LPP: variants seen among roughly 807,000 people sequenced by gnomAD.
LPP encodes the protein LIM domain containing preferred translocation partner in lipoma.
LPP carries 38 observed loss-of-function variants against 60.4 expected under a neutral mutation model. The observed-to-expected ratio is 0.63, with a 90% CI of 0.49 to 0.83. The LOEUF is 0.83. LPP is among the 40% of genes least tolerant of loss of function. The pLI, the probability that LPP is intolerant of heterozygous loss-of-function variation, is 0.00. For synonymous variants in LPP, 328 were observed against 290.8 expected (o/e 1.13, Z -1.30); for missense variants, 902 against 783.6 (o/e 1.15, Z -1.80).
chr3:188,341,487 C>T (rs930380767), intron 2 of LPP, among the ~76,000 whole-genome samples, 176 bp from the exon 3 acceptor site: 2 of 152,164 alleles, frequency 1.3e-5, no homozygotes, highest in African/African-American at 4.8e-5. Context: ...CCTATGAAGC[C>T]AGTAGAATCA....
intron 2 of LPP, among the ~76,000 whole-genome samples, chr3:188,283,321 G>C (rs1742752248): frequency 6.6e-6 from 1 of 152,180 alleles, no homozygotes; most frequent in African/African-American, 2.4e-5. Context: ...TCTTCTTGAA[G>C]AAGACTTTGC....
At chr3:188,241,918 G>A (rs1725028260) in intron 2 of LPP, among the ~76,000 whole-genome samples, 3 of 152,138 alleles carry the variant, frequency 2.0e-5, no homozygotes, top group Admixed American at 6.5e-5. Context: ...ATGGAATAAA[G>A]GTCTTTATTC....
intron 4 of LPP, among the ~76,000 whole-genome samples, chr3:188,439,104 T>C (rs1793111435): frequency 6.6e-6 from 1 of 152,228 alleles, no homozygotes; most frequent in Non-Finnish European, 1.5e-5. Flanking sequence ...GTTTGATTTA[T>C]TATTGTCATT....
At chr3:188,349,208 G>T (rs566546807) in intron 3 of LPP, among the ~76,000 whole-genome samples, 1 of 152,226 alleles carries the variant, frequency 6.6e-6, no homozygotes, top group East Asian at 1.9e-4. Context: ...AATTTAAAAA[G>T]CCTGAGTTGA....
intron 3 of LPP, among the ~76,000 whole-genome samples, chr3:188,370,453 C>T (rs546283571): frequency 1.8e-4 from 28 of 152,254 alleles, no homozygotes; most frequent in Admixed American, 5.2e-4. Flanking sequence ...CTCATCTAAT[C>T]AACATGATGA....
intron 5 of LPP, among the ~76,000 whole-genome samples, chr3:188,495,740 A>T (rs1167730853): frequency 6.6e-6 from 1 of 152,202 alleles, no homozygotes; most frequent in East Asian, 1.9e-4. Context: ...CGAAAGCCCT[A>T]TTGGGCCCAC....
chr3:188,432,528 C>G (rs1791171221), intron 4 of LPP, among the ~76,000 whole-genome samples: 1 of 151,642 alleles, frequency 6.6e-6, no homozygotes, highest in Admixed American at 6.6e-5. Context: ...TGTGTGTATG[C>G]TATAGGTGAT....
Position 188,889,927 on chromosome 3 carries a change from C to G in LPP, c.*15448C>G, listed in dbSNP as rs565627293. On this transcript the variant is annotated 3_prime_UTR_variant, in exon 12 of 12. Transcript: ENST00000617246. ...TTTTTTAGAGGATCAGATTTTAGCGCTGGAAAATGAGTTCAAAAATTTCAG... is the reference window on the plus strand; with the variant it reads ...TTTTTTAGAGGATCAGATTTTAGCGGTGGAAAATGAGTTCAAAAATTTCAG... 1 of 211,836 alleles carries G rather than the reference C, an allele frequency of 4.7e-6. No homozygotes were observed. The allele number at this position is 211,836 out of a possible 1,614,324, so 13.1% of individuals were successfully genotyped here.
intron 6 of LPP, among the ~76,000 whole-genome samples, chr3:188,588,518 A>G (rs561347859): frequency 3.0e-4 from 45 of 152,194 alleles, no homozygotes; most frequent in Non-Finnish European, 5.9e-4. Flanking sequence ...ACAACTCTGG[A>G]GCCACAATGT....
intron 2 of LPP, among the ~76,000 whole-genome samples, chr3:188,304,364 G>A (rs1750852228): frequency 6.6e-6 from 1 of 152,138 alleles, no homozygotes; most frequent in Admixed American, 6.5e-5. Flanking sequence ...TAAAAGGTGG[G>A]CAGGGACTTG....
intron 6 of LPP, among the ~76,000 whole-genome samples, chr3:188,586,100 T>C (rs139542894): frequency 1.3e-5 from 2 of 152,360 alleles, no homozygotes; most frequent in East Asian, 3.9e-4. Context: ...GTTTCCATTT[T>C]TATAGCAAAA....
At chr3:188,681,781 T>A (rs1859580017) in intron 7 of LPP, among the ~76,000 whole-genome samples, 1 of 152,220 alleles carries the variant, frequency 6.6e-6, no homozygotes, top group Admixed American at 6.5e-5. Context: ...ATATACAAAA[T>A]TCTTTCACAT....
At chr3:188,341,612 T>C in intron 2 of LPP, 51 bp from the exon 3 acceptor site, 5 of 654,576 alleles carry the variant, frequency 7.6e-6, no homozygotes, top group Non-Finnish European at 9.4e-6. Context: ...TGAATAAATA[T>C]GGGTTTGGTG....
intron 3 of LPP, among the ~76,000 whole-genome samples, chr3:188,388,829 A>G (rs993701193): frequency 4.6e-5 from 7 of 152,250 alleles, no homozygotes; most frequent in Non-Finnish European, 8.8e-5. Flanking sequence ...TAAAGGGCCA[A>G]GTAGTAAATA....
chr3:188,776,590 C>T (rs1336611572), intron 9 of LPP, among the ~76,000 whole-genome samples: 1 of 152,082 alleles, frequency 6.6e-6, no homozygotes, highest in Non-Finnish European at 1.5e-5. Context: ...ATACAAAGGC[C>T]AAAATTCCTT....
At chr3:188,529,152 T>C (rs1394187239) in intron 6 of LPP, among the ~76,000 whole-genome samples, 1 of 152,196 alleles carries the variant, frequency 6.6e-6, no homozygotes, top group African/African-American at 2.4e-5. Context: ...TTAATATTTA[T>C]TGGTTAACAT....
intron 7 of LPP, among the ~76,000 whole-genome samples, chr3:188,647,016 T>C (rs1460943412): frequency 6.6e-6 from 1 of 152,264 alleles, no homozygotes; most frequent in Non-Finnish European, 1.5e-5. Flanking sequence ...AACATGCCAG[T>C]GTCTGGCCTA....
chr3:188,181,120 C>T (rs758742793), intron 1 of LPP, among the ~76,000 whole-genome samples: 14 of 151,874 alleles, frequency 9.2e-5, no homozygotes, highest in Non-Finnish European at 1.6e-4. Flanking sequence ...TTTTGGAGGC[C>T]GAGGTGGGCG....
At chr3:188,771,287 G>A (rs1033818733) in intron 9 of LPP, among the ~76,000 whole-genome samples, 9 of 151,952 alleles carry the variant, frequency 5.9e-5, no homozygotes, top group Admixed American at 2.0e-4. Context: ...AGTAGCTCAC[G>A]CCTGTAATCC....
Sources: allele counts gnomAD v4.1 joint callset (sites outside exome capture counted in the v4.1 genomes callset), GRCh38; gene constraint gnomAD v4.1.1; transcripts MANE v1.5; gene names NCBI Gene and HGNC (gene_info 2026-07-23, HGNC 2026-07-21).